The following EP400 variants were observed in gnomAD, a reference collection of about 807,000 sequenced individuals.
EP400 encodes E1A-binding protein p400.
In EP400, 105 loss-of-function variants were observed where a neutral mutation model predicts 354.1. That is an observed-to-expected ratio of 0.30 (90% CI 0.25 to 0.35). The LOEUF (loss-of-function observed/expected upper bound fraction) is 0.35. Among genes scored for constraint, EP400 ranks in the 10% least tolerant of loss-of-function variants. The pLI is 1.00. For missense variants in EP400, 3,280 were observed against 4,121.0 expected (o/e 0.80, Z 5.59); for synonymous variants, 1,646 against 1,716.9 (o/e 0.96, Z 1.02).
At chr12:132,042,840 G>A (rs571411754) in intron 32 of EP400, among the ~76,000 whole-genome samples, 1 of 152,348 alleles carries the variant, frequency 6.6e-6, no homozygotes, top group East Asian at 1.9e-4. Context: ...ACATTTCGCG[G>A]TGGACTTGCT....
Position 132,027,933 on chromosome 12 carries a change from C to T in EP400, c.5110-84C>T. 1 of 1,463,830 alleles carries T rather than the reference C, an allele frequency of 6.8e-7. No homozygotes were observed. The highest frequency in any genetic ancestry group is 9.3e-7 in the Non-Finnish European group (1 of 1,071,678). 90.7% of individuals were successfully genotyped at this position (1,463,830 alleles called of 1,614,324 possible). On this transcript the variant is annotated intron_variant, in intron 26 of 52. Transcript: ENST00000389561. This position sits in a 1 kb window ranked among gnomAD's most constrained non-coding sequence, Gnocchi z 4.9. Reference sequence around the variant, plus strand: ...GAAGTGGATCTCATATGTGGGAAATCACGGGCTGGGTGGGGGGTTGGTGAA... The same window carrying T: ...GAAGTGGATCTCATATGTGGGAAATTACGGGCTGGGTGGGGGGTTGGTGAA...
rs763444984 is a variant in EP400 at position 131,960,766 on chromosome 12, G to A, written c.147G>A (p.Ser49=). 2.7e-5 allele frequency: 37 copies of A among 1,366,552 alleles called. No homozygotes were observed. The Middle Eastern group carries it at 6.2e-4, about 23-fold the overall frequency. The allele number at this position is 1,366,552 out of a possible 1,614,324, so 84.7% of individuals were successfully genotyped here. A position where few individuals can be genotyped will look rare whatever the true frequency, so the allele number is the denominator to read the frequency against. ...CCTTCGCTCCCTCAGCAAGCCCGTC[G>A]GCACCCCAGTCTCCCAGTTATCAAA... The part of the protein sequence containing the change: ...AAPFAPSASP[S]APQSPSYQIQ... Residue 49 remains serine, a synonymous_variant, in exon 2 of 53, where the codon TCG becomes TCA. Transcript: ENST00000389561.
At chr12:132,015,868 G>C (rs1893910911) in intron 19 of EP400, among the ~76,000 whole-genome samples, 2 of 152,124 alleles carry the variant, frequency 1.3e-5, no homozygotes, top group South Asian at 4.2e-4. Context: ...GGAGCGTCCT[G>C]TCCTGGTCAG....
In EP400 at chr12:132,064,939, A is replaced by G. The variant is rs1895840716; in HGVS notation, c.8553+53A>G. On this transcript the variant is annotated intron_variant, in intron 48 of 52. Coordinates refer to ENST00000389561, the MANE Select transcript of EP400 (RefSeq NM_015409.5). ...AAAAGCAGCATCTTTTTATGTTTTA[A>G]CACAGCTGTTGCGCTTGCTCAGGTG... 13 of 1,541,702 alleles carry G rather than the reference A, an allele frequency of 8.4e-6. No individual in the cohort carries two copies. In the East Asian group the frequency reaches 3.1e-4, roughly 37 times the overall value.
Position 132,050,369 on chromosome 12 carries a change from A to T in EP400, c.7247A>T (p.Asp2416Val). 1 of 1,614,122 alleles carries T rather than the reference A, an allele frequency of 6.2e-7. No individual in the cohort carries two copies. Among genetic ancestry groups the T allele is most frequent in the Non-Finnish European group, 8.5e-7 (1 of 1,180,024 alleles). ...PLRTSQIYAQ[D>V]ENATHTQLYT... ...CGTACGAGCCAGATCTATGCCCAGG[A>T]TGAGAATGCCACACACACCCAGCTG... Residue 2416 changes from aspartate (D) to valine (V), a missense_variant, in exon 40 of 53, where the codon GAT becomes GTT. Physicochemically the swap from Asp to Val is radical, Grantham distance 152 (BLOSUM62 -3). Transcript: ENST00000389561. This position sits in a 1 kb window ranked among gnomAD's most constrained non-coding sequence, Gnocchi z 4.8.
intron 23 of EP400, 88 bp downstream of exon 23, chr12:132,021,409 C>A: frequency 1.4e-6 from 2 of 1,416,292 alleles, no homozygotes; most frequent in Non-Finnish European, 1.8e-6. Context: ...AGGAGCCTTG[C>A]TGTCCACTCC....
At chr12:131,976,309 AG>A (rs1300266793) in intron 2 of EP400, among the ~76,000 whole-genome samples, 4 of 152,036 alleles carry the variant, frequency 2.6e-5, no homozygotes, top group Admixed American at 1.3e-4. Flanking sequence ...TTTTGGAGTA[AG>A]TTTGAATTGG....
rs139009990 is a variant in EP400, at chr12:132,051,409, C to A, written c.7394+754C>A. Among the ~76,000 whole-genome samples the A allele has an allele frequency of 7.1e-3, 1,084 of 152,180 alleles. 35 individuals carry two copies. In the South Asian group the frequency reaches 0.093, roughly 13 times the overall value. On this transcript the variant is annotated intron_variant, in intron 41 of 52. Coordinates refer to ENST00000389561, the MANE Select transcript of EP400 (RefSeq NM_015409.5). ...ACCAAGACATGGAGACCAGTAGTGG[C>A]CCCAAATGCCAGGCTGCACTGATAT...
rs185523934 is a variant in EP400 at position 132,035,823 on chromosome 12, C to T, written c.5952-1859C>T. Among the ~76,000 whole-genome samples, 347 of 141,256 alleles carry T rather than the reference C, an allele frequency of 2.5e-3. 1 individual carries two copies. The highest frequency in any genetic ancestry group is 7.3e-3 in the African/African-American group (272 of 37,454). The allele number at this position is 141,256 out of a possible 152,430, so 92.7% of individuals were successfully genotyped here. ...ACATACCCAGGTTCACGCGGAACAT[C>T]GTGGAAGGACACACCCAGGTTCACA... On this transcript the variant is annotated intron_variant, in intron 30 of 52. Transcript: ENST00000389561.
At chr12:132,032,198 A>G in intron 30 of EP400, 49 bp downstream of exon 30, 3 of 1,569,546 alleles carry the variant, frequency 1.9e-6, no homozygotes, top group Non-Finnish European at 2.6e-6. Context: ...ACATCCACAT[A>G]TACAGGTGAG....
At position 132,020,083 on chromosome 12, in the gene EP400, G is replaced by A. The variant is rs1471824662; in HGVS notation, c.4312G>A (p.Glu1438Lys). 3 of 1,593,222 alleles carry A rather than the reference G, an allele frequency of 1.9e-6. No individual in the cohort carries two copies. The highest frequency in any genetic ancestry group is 2.6e-6 in the Non-Finnish European group (3 of 1,169,770). ...FQPVQYGQKPEGRTVAFPSTH... is the reference protein window; with the variant it reads ...FQPVQYGQKPKGRTVAFPSTH... ...GCCTGTGCAGTATGGCCAGAAGCCCGAGGGTCGCACCGTGGCTTTCCCCAG... is the reference window on the plus strand; with the variant it reads ...GCCTGTGCAGTATGGCCAGAAGCCCAAGGGTCGCACCGTGGCTTTCCCCAG... Residue 1438 changes from glutamate (E) to lysine (K), a missense_variant, in exon 22 of 53, where the codon GAG (glutamate) becomes AAG (lysine). By Grantham distance (56) the Glu-to-Lys change is moderately conservative. Transcript: ENST00000389561.
At chr12:131,974,171 G>A (rs2136481679) in intron 2 of EP400, among the ~76,000 whole-genome samples, 1 of 152,040 alleles carries the variant, frequency 6.6e-6, no homozygotes, top group South Asian at 2.1e-4. Context: ...TAGAGATGGG[G>A]TTTCACCACG....
At chr12:132,035,238 T>C (rs1894654815) in intron 30 of EP400, among the ~76,000 whole-genome samples, 1 of 152,132 alleles carries the variant, frequency 6.6e-6, no homozygotes, top group Admixed American at 6.5e-5. Context: ...GGAACGAGCC[T>C]GTTCAGCCTG....
chr12:131,960,276 G>A (rs1386352161), intron 1 of EP400, among the ~76,000 whole-genome samples: 2 of 152,212 alleles, frequency 1.3e-5, no homozygotes, highest in African/African-American at 2.4e-5. Context: ...GCGGCCATGA[G>A]GATTTGAGGG....
chr12:132,032,894 G>T (rs1288840186), intron 30 of EP400, among the ~76,000 whole-genome samples: 1 of 152,162 alleles, frequency 6.6e-6, no homozygotes, highest in Non-Finnish European at 1.5e-5. Context: ...CTCCCAAAGT[G>T]CTGGGATTAC....
intron 1 of EP400, among the ~76,000 whole-genome samples, chr12:131,956,225 C>T (rs1345449743): frequency 1.3e-5 from 2 of 152,104 alleles, no homozygotes; most frequent in Non-Finnish European, 1.5e-5. Context: ...TGTTCCTTGG[C>T]GTTGCTGGGT....
chr12:132,051,747 G>A (rs971496005), intron 41 of EP400, among the ~76,000 whole-genome samples: 6 of 152,030 alleles, frequency 3.9e-5, no homozygotes, highest in Non-Finnish European at 5.9e-5. Flanking sequence ...AACTGCGGGC[G>A]GGCCTGACTA....
At chr12:132,012,446 AG>A (rs1893797706) in intron 16 of EP400, among the ~76,000 whole-genome samples, 1 of 152,148 alleles carries the variant, frequency 6.6e-6, no homozygotes, top group Non-Finnish European at 1.5e-5. Flanking sequence ...GAAGGGCAAA[AG>A]GGTCCAAGCT....
At chr12:132,000,212 A>G (rs1315873031) in intron 12 of EP400, among the ~76,000 whole-genome samples, 2 of 151,994 alleles carry the variant, frequency 1.3e-5, no homozygotes, top group Non-Finnish European at 1.5e-5. Context: ...TTTCCCCTGT[A>G]TATATATTTT....
Sources: allele counts gnomAD v4.1 joint callset (sites outside exome capture counted in the v4.1 genomes callset), GRCh38; gene constraint gnomAD v4.1.1; non-coding constraint Gnocchi (gnomAD v3.1); transcripts MANE v1.5; gene names NCBI Gene and HGNC (gene_info 2026-07-23, HGNC 2026-07-21).